The following CMKLR1 variants were observed in gnomAD, a reference collection of about 807,000 sequenced individuals.
CMKLR1 encodes chemerin-like receptor 1.
A neutral mutation model predicts 8.2 loss-of-function variants in CMKLR1; 6 were observed. That is an observed-to-expected ratio of 0.73 (90% CI 0.40 to 1.44). The LOEUF is 1.44. Among genes scored for constraint, CMKLR1 ranks in the 40% most tolerant of loss-of-function variants. The pLI, the probability that CMKLR1 is intolerant of heterozygous loss-of-function variation, is 0.02. For missense variants in CMKLR1, 429 were observed against 478.0 expected (o/e 0.90, Z 0.96); for synonymous variants, 178 against 181.2 (o/e 0.98, Z 0.14).
intron 2 of CMKLR1, among the ~76,000 whole-genome samples, chr12:108,312,620 A>T (rs540627188): frequency 1.1e-4 from 16 of 152,220 alleles, no homozygotes; most frequent in Non-Finnish European, 2.4e-4. Context: ...CAAGCCATAG[A>T]GAAGCAAGGG....
At chr12:108,299,512 C>G (rs960808317) in intron 2 of CMKLR1, among the ~76,000 whole-genome samples, 16 of 152,160 alleles carry the variant, frequency 1.1e-4, no homozygotes, top group Non-Finnish European at 1.8e-4. Flanking sequence ...CCCCTGCCCC[C>G]AAATGGTGCA....
rs756505533 is a variant in CMKLR1 at position 108,292,679 on chromosome 12, T to C, written c.284A>G (p.His95Arg). The C allele has an allele frequency of 1.9e-6, 3 of 1,614,140 alleles. No homozygotes were observed. The highest frequency in any genetic ancestry group is 1.7e-6 in the Non-Finnish European group (2 of 1,180,022). The change falls in exon 4 of 4, where the codon CAT (histidine) becomes CGT (arginine). Residue 95 changes from histidine (H) to arginine (R), a missense_variant. Transcript: ENST00000550402. ...GTAGTCCATGGCGGCATAGGTGATA[T>C]GGATTGGGAGGAAGACGTTGAACAG... is the stretch of plus-strand genomic sequence containing the variant. ...DFLFNVFLPIHITYAAMDYHW... is the reference protein window; with the variant it reads ...DFLFNVFLPIRITYAAMDYHW...
rs112262364 is a variant in CMKLR1, at chr12:108,288,957, C to A, written c.*2884G>T. 16,001 of 108,918 alleles carry A rather than the reference C, an allele frequency of 0.15. 1,138 individuals are homozygous for A. The highest frequency in any genetic ancestry group is 0.22 in the African/African-American group (7,933 of 36,494). 6.7% of individuals were successfully genotyped at this position (108,918 alleles called of 1,614,324 possible). Reference sequence around the variant, plus strand: ...GAAACAGAAACTCACTTTCTGCACCCCCCCCCCACCTTGCTATGATGGTCC... The same window carrying A: ...GAAACAGAAACTCACTTTCTGCACCACCCCCCCACCTTGCTATGATGGTCC... On this transcript the variant is annotated 3_prime_UTR_variant, in exon 4 of 4. Coordinates refer to ENST00000550402, the MANE Select transcript of CMKLR1 (RefSeq NM_001142343.2).
chr12:108,310,841 G>A (rs1891541068), intron 2 of CMKLR1, among the ~76,000 whole-genome samples: 1 of 152,160 alleles, frequency 6.6e-6, no homozygotes, highest in African/African-American at 2.4e-5. Context: ...CAGCAAGGCG[G>A]GTAGGCAGAG....
chr12:108,328,656 CT>C (rs1285936507), intron 2 of CMKLR1, among the ~76,000 whole-genome samples: 1 of 152,188 alleles, frequency 6.6e-6, no homozygotes, highest in Admixed American at 6.5e-5. Flanking sequence ...AAGAGGCCCC[CT>C]GTGAGTTGAG....
rs201704022 is a variant in CMKLR1, at chr12:108,292,047, T to C, written c.916A>G (p.Ile306Val). The change falls in exon 4 of 4, where the codon ATT becomes GTT. Residue 306 changes from isoleucine (I) to valine (V), a missense_variant. Coordinates refer to ENST00000550402, the MANE Select transcript of CMKLR1 (RefSeq NM_001142343.2). ...ATGGGGTTCATGCAGCTGTTGGCAA[T>C]GGCAAGGGCAGTGGCCAGGGGCAAA... is the stretch of plus-strand genomic sequence containing the variant. The part of the protein sequence containing the change: ...LGLPLATALA[I>V]ANSCMNPILY... 192 of 1,614,020 alleles carry C rather than the reference T, an allele frequency of 1.2e-4. No homozygotes were observed. The highest frequency in any genetic ancestry group is 1.2e-4 in the Non-Finnish European group (144 of 1,180,036).
intron 2 of CMKLR1, among the ~76,000 whole-genome samples, chr12:108,326,922 G>A (rs1056650626): frequency 6.6e-6 from 1 of 151,966 alleles, no homozygotes; most frequent in Non-Finnish European, 1.5e-5. Flanking sequence ...TCATGGATTC[G>A]CTGATTTAAT....
Position 108,295,755 on chromosome 12 carries a change from G to A in CMKLR1, c.-73-2091C>T, listed in dbSNP as rs76572510. 3.1e-3 allele frequency among the ~76,000 whole-genome samples: 469 copies of A among 152,336 alleles called. 2 individuals carry two copies. The highest frequency in any genetic ancestry group is 0.011 in the African/African-American group (451 of 41,572). On this transcript the variant is annotated intron_variant, in intron 2 of 3. Coordinates refer to ENST00000550402, the MANE Select transcript of CMKLR1 (RefSeq NM_001142343.2). ...ACAGTGGGCTGGGTGTGTGAGTCCC[G>A]AGAGGAGGTCGAGGAGGATCTGGGA...
intron 3 of CMKLR1, 47 bp downstream of exon 3, chr12:108,293,538 TGTCA>T: frequency 6.5e-7 from 1 of 1,549,698 alleles, no homozygotes; most frequent in South Asian, 1.2e-5. Flanking sequence ...GCACCCAATC[TGTCA>T]GTGGTCACTG....
Position 108,292,236 on chromosome 12 carries a change from T to C in CMKLR1, c.727A>G (p.Ile243Val). 3 of 1,613,932 alleles carry C rather than the reference T, an allele frequency of 1.9e-6. No homozygotes were observed. Among genetic ancestry groups the C allele is most frequent in the East Asian group, 2.2e-5 (1 of 44,856 alleles). ...VLIITACYLT[I>V]VCKLQRNRLA... ...CGGTTGCGCTGCAGTTTGCACACGA[T>C]GGTGAGGTAGCAAGCTGTGATGATG... is the stretch of plus-strand genomic sequence containing the variant. Residue 243 changes from isoleucine to valine, a missense_variant, in exon 4 of 4, where the codon ATC (isoleucine) becomes GTC (valine). Physicochemically the swap from Ile to Val is conservative, Grantham distance 29. Transcript: ENST00000550402.
chr12:108,323,018 G>A (rs1317702651), intron 2 of CMKLR1, among the ~76,000 whole-genome samples: 4 of 152,086 alleles, frequency 2.6e-5, no homozygotes, highest in Non-Finnish European at 5.9e-5. Flanking sequence ...CCTTCAGCCA[G>A]ACAGTGCCCA....
intron 2 of CMKLR1, among the ~76,000 whole-genome samples, chr12:108,311,838 C>T (rs752239843): frequency 2.4e-4 from 36 of 152,240 alleles, no homozygotes; most frequent in Non-Finnish European, 1.5e-4. Context: ...GCTGGGGGCA[C>T]GGAAGGACTG....
chr12:108,310,553 T>C (rs78682440), intron 2 of CMKLR1, among the ~76,000 whole-genome samples: 12,404 of 152,116 alleles, frequency 0.082, 719 homozygotes, highest in African/African-American at 0.16. Flanking sequence ...TTCTTAAGGA[T>C]TTTTCCTCAG....
chr12:108,321,772 T>C (rs1307098538), intron 2 of CMKLR1, among the ~76,000 whole-genome samples: 1 of 152,192 alleles, frequency 6.6e-6, no homozygotes, highest in Non-Finnish European at 1.5e-5. Context: ...CACAGCCCCC[T>C]TCCAGCCAAG....
chr12:108,329,499 T>C (rs1892055155), intron 2 of CMKLR1, among the ~76,000 whole-genome samples: 1 of 152,186 alleles, frequency 6.6e-6, no homozygotes, highest in Non-Finnish European at 1.5e-5. Context: ...CTACCTCCAC[T>C]TCACTCCTGC....
At chr12:108,327,535 C>A (rs552199722) in intron 2 of CMKLR1, among the ~76,000 whole-genome samples, 2 of 152,342 alleles carry the variant, frequency 1.3e-5, no homozygotes, top group African/African-American at 4.8e-5. Context: ...AGTGAACACA[C>A]ATCATCTCTC....
At chr12:108,321,720 CAG>C (rs1891866000) in intron 2 of CMKLR1, among the ~76,000 whole-genome samples, 1 of 152,180 alleles carries the variant, frequency 6.6e-6, no homozygotes, top group South Asian at 2.1e-4. Context: ...TCTGTATTCC[CAG>C]ATCTAAGACA....
At chr12:108,313,982 T>C (rs2176096) in intron 2 of CMKLR1, among the ~76,000 whole-genome samples, 113,507 of 152,054 alleles carry the variant, frequency 0.75, 43,101 homozygotes, top group East Asian at 0.97. Flanking sequence ...CTCTGCATCA[T>C]TCTTAACCCT....
chr12:108,302,244 C>T (rs1235737524), intron 2 of CMKLR1, among the ~76,000 whole-genome samples: 5 of 152,206 alleles, frequency 3.3e-5, no homozygotes, highest in Admixed American at 3.3e-4. Context: ...TGGACGCTTC[C>T]CAGGTTGGCC....
Sources: allele counts gnomAD v4.1 joint callset (sites outside exome capture counted in the v4.1 genomes callset), GRCh38; gene constraint gnomAD v4.1.1; transcripts MANE v1.5; gene names NCBI Gene and HGNC (gene_info 2026-07-23, HGNC 2026-07-21).